Variants in SLC7A7 observed in about 807,000 individuals in gnomAD.
SLC7A7 encodes Y+L amino acid transporter 1.
A neutral mutation model predicts 47.9 loss-of-function variants in SLC7A7; 39 were observed. The ratio of observed to expected loss-of-function variants is 0.81; its 90% confidence interval spans 0.63 to 1.06. SLC7A7 has a LOEUF of 1.06. SLC7A7 is among the 50% of genes least tolerant of loss of function. The pLI, the probability that SLC7A7 is intolerant of heterozygous loss-of-function variation, is 0.00. For missense variants in SLC7A7, 588 were observed against 632.0 expected (o/e 0.93, Z 0.75); for synonymous variants, 234 against 242.8 (o/e 0.96, Z 0.34).
intron 6 of SLC7A7, 73 bp from the exon 7 acceptor site, chr14:22,775,613 C>G: frequency 3.2e-6 from 4 of 1,241,750 alleles, no homozygotes; most frequent in Non-Finnish European, 4.7e-6. Context: ...TGCCACATGG[C>G]CCTCCCTCTC....
At chr14:22,788,882 G>A (rs2038873862) in intron 2 of SLC7A7, among the ~76,000 whole-genome samples, 1 of 152,014 alleles carries the variant, frequency 6.6e-6, no homozygotes, top group Non-Finnish European at 1.5e-5. Flanking sequence ...CCTTTGTGTG[G>A]GGTGGAGAGG....
chr14:22,795,402 C>T (rs530785901), intron 2 of SLC7A7, among the ~76,000 whole-genome samples: 43 of 4,070 alleles, frequency 0.011, 1 homozygote, highest in Middle Eastern at 0.12. Flanking sequence ...TTCTTTCTTT[C>T]TTTCTTTCTT....
At chr14:22,795,022 G>A (rs1026195930) in intron 2 of SLC7A7, among the ~76,000 whole-genome samples, 14 of 151,088 alleles carry the variant, frequency 9.3e-5, no homozygotes, top group African/African-American at 3.4e-4. Context: ...CTCCCCAGTG[G>A]TTCAGATTTA....
intron 2 of SLC7A7, among the ~76,000 whole-genome samples, chr14:22,781,526 G>A (rs1403472529): frequency 1.3e-5 from 2 of 152,080 alleles, no homozygotes; most frequent in Admixed American, 1.3e-4. Context: ...ACAGGGCTGG[G>A]CAAAAATGTA....
At chr14:22,807,933 G>A (rs1228593400) in intron 2 of SLC7A7, among the ~76,000 whole-genome samples, 1 of 152,148 alleles carries the variant, frequency 6.6e-6, no homozygotes, top group East Asian at 1.9e-4. Flanking sequence ...AAGCTGAGGC[G>A]GGCAGTTCGC....
intron 2 of SLC7A7, among the ~76,000 whole-genome samples, chr14:22,795,819 G>A (rs1457499923): frequency 6.6e-6 from 1 of 152,064 alleles, no homozygotes; most frequent in Non-Finnish European, 1.5e-5. Flanking sequence ...GCCAGAGTTA[G>A]GACCCACTGC....
At chr14:22,801,512 G>A (rs1002865152) in intron 2 of SLC7A7, among the ~76,000 whole-genome samples, 1 of 152,042 alleles carries the variant, frequency 6.6e-6, no homozygotes. Context: ...GGCCAGGCAC[G>A]GTGGCTCACG....
intron 2 of SLC7A7, among the ~76,000 whole-genome samples, chr14:22,796,345 G>C (rs1231702749): frequency 6.6e-6 from 1 of 152,110 alleles, no homozygotes; most frequent in Non-Finnish European, 1.5e-5. Flanking sequence ...CAGCGGCTCT[G>C]GCAGACTCAG....
intron 4 of SLC7A7, among the ~76,000 whole-genome samples, chr14:22,777,003 CGTG>C (rs1275775325): frequency 6.7e-6 from 1 of 150,092 alleles, no homozygotes; most frequent in African/African-American, 2.5e-5. Flanking sequence ...ATTAGCCAAG[CGTG>C]GTGGTGCATG....
intron 2 of SLC7A7, among the ~76,000 whole-genome samples, chr14:22,800,912 C>G (rs1401406161): frequency 6.6e-6 from 1 of 152,012 alleles, no homozygotes; most frequent in Non-Finnish European, 1.5e-5. Flanking sequence ...GCACTCCAAC[C>G]TGCACAACCG....
chr14:22,775,306 G>A lies in SLC7A7; in HGVS notation c.1095+138C>T, dbSNP rs74036485. ...TAGCGGTTAGCATAGTGCCTTGCCC[G>A]TGGTGAACATTCTGATCCACCAATA... On this transcript the variant is annotated intron_variant, in intron 7 of 9. Transcript: ENST00000674313. The A allele has an allele frequency of 3.5e-3, 2,758 of 791,616 alleles. 24 individuals carry two copies. Among genetic ancestry groups the A allele is most frequent in the African/African-American group, 0.021 (1,240 of 59,378 alleles). 49.0% of individuals were successfully genotyped at this position (791,616 alleles called of 1,614,324 possible). A position where few individuals can be genotyped will look rare whatever the true frequency, so the allele number is the denominator to read the frequency against.
chr14:22,800,812 G>A (rs1197000938), intron 2 of SLC7A7, among the ~76,000 whole-genome samples: 2 of 152,042 alleles, frequency 1.3e-5, no homozygotes, highest in Non-Finnish European at 2.9e-5. Context: ...GGTGGGGCAC[G>A]CCTGTAATCC....
upstream of SLC7A7, chr14:22,817,319 T>TTTTTATTTTA (rs150800938): frequency 3.4e-3 from 695 of 203,694 alleles, 3 homozygotes; most frequent in African/African-American, 0.015. Flanking sequence ...TATTTCGGTA[T>TTTTTATTTTA]TTTTATTTTA....
Position 22,813,204 on chromosome 14 carries a change from G to A in SLC7A7, c.195C>T (p.Tyr65=). The A allele has an allele frequency of 1.2e-6, 2 of 1,614,200 alleles. No homozygotes were observed. Among genetic ancestry groups the A allele is most frequent in the East Asian group, 2.2e-5 (1 of 44,882 alleles). Residue 65 remains tyrosine (Y), a synonymous_variant, in exon 2 of 10, where the codon TAC becomes TAT. Transcript: ENST00000674313. ...CCAGAGAGAGACCAAAGGAGGCACT[G>A]TATATGAGCACACCCTTGGGGGAAA... ...IFVSPKGVLI[Y]SASFGLSLVI... is the part of the protein sequence containing the mutation.
At chr14:22,776,947 C>T (rs539150616) in intron 4 of SLC7A7, among the ~76,000 whole-genome samples, 205 of 148,584 alleles carry the variant, frequency 1.4e-3, no homozygotes, top group African/African-American at 4.3e-3. Context: ...CCAGCATGGG[C>T]GACAGAGCGA....
intron 2 of SLC7A7, among the ~76,000 whole-genome samples, chr14:22,785,121 A>G (rs963491664): frequency 6.6e-6 from 1 of 152,034 alleles, no homozygotes; most frequent in African/African-American, 2.4e-5. Context: ...TCTACTAAAA[A>G]TATAAATATT....
intron 3 of SLC7A7, among the ~76,000 whole-genome samples, chr14:22,779,475 G>C (rs1359604023): frequency 4.7e-5 from 7 of 147,868 alleles, no homozygotes; most frequent in African/African-American, 1.3e-4. Flanking sequence ...TTGGGGGGGG[G>C]ACAGAGTCTC....
intron 2 of SLC7A7, among the ~76,000 whole-genome samples, chr14:22,794,941 C>G (rs1005114891): frequency 2.0e-5 from 3 of 152,000 alleles, no homozygotes; most frequent in Non-Finnish European, 4.4e-5. Flanking sequence ...AGACCCTCAT[C>G]AATTCTCCTC....
intron 2 of SLC7A7, among the ~76,000 whole-genome samples, chr14:22,808,800 ATC>A (rs1453625165): frequency 1.3e-5 from 2 of 152,216 alleles, no homozygotes; most frequent in Admixed American, 1.3e-4. Flanking sequence ...TCCAGATATT[ATC>A]TATGCAGTAA....
Sources: allele counts gnomAD v4.1 joint callset (sites outside exome capture counted in the v4.1 genomes callset), GRCh38; gene constraint gnomAD v4.1.1; transcripts MANE v1.5; gene names NCBI Gene and HGNC (gene_info 2026-07-23, HGNC 2026-07-21).